Variants in LPGAT1 observed in about 807,000 individuals in gnomAD.
LPGAT1 encodes acyl-CoA:lysophosphatidylglycerol acyltransferase 1.
In LPGAT1, 11 loss-of-function variants were observed where a neutral mutation model predicts 47.5. The ratio of observed to expected loss-of-function variants is 0.23; its 90% CI spans 0.15 to 0.38. The LOEUF (loss-of-function observed/expected upper bound fraction) is 0.38, where lower values mean the gene tolerates loss of function less well. Ranked by LOEUF, LPGAT1 falls within the 10% of genes least tolerant of loss-of-function variation. LPGAT1 has a pLI of 1.00. For synonymous variants in LPGAT1, 138 were observed against 144.2 expected (o/e 0.96, Z 0.31); for missense variants, 293 against 439.0 (o/e 0.67, Z 2.97).
intron 4 of LPGAT1, 100 bp from the exon 5 acceptor site, chr1:211,783,602 C>CT: frequency 3.4e-6 from 4 of 1,189,834 alleles, no homozygotes; most frequent in Non-Finnish European, 4.7e-6. Flanking sequence ...AATCCAATCA[C>CT]AGAATAGAAT....
chr1:211,813,065 C>T (rs1660046944), intron 2 of LPGAT1, among the ~76,000 whole-genome samples: 1 of 152,148 alleles, frequency 6.6e-6, no homozygotes, highest in Admixed American at 6.5e-5. Context: ...AGAACTACCA[C>T]TGCAGAAAGT....
chr1:211,759,453 T>C (rs1318256240), intron 6 of LPGAT1, among the ~76,000 whole-genome samples: 1 of 152,216 alleles, frequency 6.6e-6, no homozygotes, highest in Admixed American at 6.5e-5. Context: ...GGTAATGTAG[T>C]TAACAGTGTT....
intron 6 of LPGAT1, 125 bp downstream of exon 6, chr1:211,778,793 C>T: frequency 3.0e-6 from 2 of 666,556 alleles, no homozygotes; most frequent in Non-Finnish European, 4.6e-6. Flanking sequence ...ATTAAAAATG[C>T]AGCATAAGAA....
intron 6 of LPGAT1, among the ~76,000 whole-genome samples, chr1:211,765,972 G>T (rs1657892874): frequency 6.6e-6 from 1 of 152,026 alleles, no homozygotes; most frequent in Non-Finnish European, 1.5e-5. Context: ...TCCATTGAGG[G>T]CCCAAGGAGA....
chr1:211,762,061 A>G (rs1657720485), intron 6 of LPGAT1, among the ~76,000 whole-genome samples: 2 of 152,348 alleles, frequency 1.3e-5, no homozygotes, highest in Admixed American at 1.3e-4. Context: ...TGCAGTATGT[A>G]ATTACTTTAT....
rs1252428027 is a variant in LPGAT1 at position 211,745,221 on chromosome 1, C to A, written c.*4678G>T. 6.6e-6 allele frequency: 1 copy of A among 152,512 alleles called. No individual in the cohort carries two copies. The highest frequency in any genetic ancestry group is 1.9e-4 in the East Asian group (1 of 5,198). The allele number at this position is 152,512 out of a possible 1,614,324, so 9.4% of individuals were successfully genotyped here. On this transcript the variant is annotated 3_prime_UTR_variant, in exon 8 of 8. Coordinates refer to ENST00000366997, the MANE Select transcript of LPGAT1 (RefSeq NM_014873.3). ...CATTCTTATCACACGTTACAACATG[C>A]AGATAACACAAAGAAAGGTCAACAA...
At chr1:211,822,714 G>A (rs542301278) in intron 2 of LPGAT1, among the ~76,000 whole-genome samples, 6 of 151,824 alleles carry the variant, frequency 4.0e-5, no homozygotes, top group South Asian at 4.2e-4. Context: ...AGAGGCGGAC[G>A]TTGCAGTGGG....
intron 1 of LPGAT1, chr1:211,829,895 G>T (rs1660667548): frequency 1.0e-6 from 1 of 984,918 alleles, no homozygotes; most frequent in African/African-American, 1.8e-5. Flanking sequence ...AAAAAATGGG[G>T]GGCCTAGAAA....
At chr1:211,761,919 T>C (rs1424379351) in intron 6 of LPGAT1, among the ~76,000 whole-genome samples, 1 of 152,204 alleles carries the variant, frequency 6.6e-6, no homozygotes, top group African/African-American at 2.4e-5. Context: ...CACCATCTTC[T>C]AAATCCTAAA....
intron 6 of LPGAT1, among the ~76,000 whole-genome samples, chr1:211,775,931 CAA>C (rs201006748): frequency 2.2e-4 from 17 of 77,248 alleles, no homozygotes; most frequent in Admixed American, 8.1e-4. Context: ...AATGCCATCT[CAA>C]AAAAAAAAAA....
At position 211,765,910 on chromosome 1, in the gene LPGAT1, T is replaced by G. The variant is rs1013347927; in HGVS notation, c.854+13008A>C. On this transcript the variant is annotated intron_variant, in intron 6 of 7. Coordinates refer to ENST00000366997, the MANE Select transcript of LPGAT1 (RefSeq NM_014873.3). ...AGAAAATAGCATCTGAATTGATGAA[T>G]TGAGTAAAGTGGACACTCCCTTCCC... 7.2e-5 allele frequency among the ~76,000 whole-genome samples: 11 copies of G among 152,104 alleles called. No individual in the cohort carries two copies. The East Asian group carries it at 1.2e-3, about 16-fold the overall frequency.
At chr1:211,808,511 T>C (rs1462382014) in intron 2 of LPGAT1, among the ~76,000 whole-genome samples, 1 of 152,176 alleles carries the variant, frequency 6.6e-6, no homozygotes, top group East Asian at 1.9e-4. Context: ...GAAATGAAAA[T>C]TAAAAACATG....
rs114135867 is a variant in LPGAT1 at position 211,829,239 on chromosome 1, T to A, written c.58A>T (p.Met20Leu). The A allele has an allele frequency of 9.5e-5, 154 of 1,614,202 alleles. 2 individuals are homozygous for A. In the African/African-American group the frequency reaches 1.8e-3, roughly 19 times the overall value. ...TTGACGACCATGAAGGCAAACCTCA[T>A]CAGTGCTTTCACCAAGAGCCAGCCC... ...WLGWLLVKAL[M>L]RFAFMVVNNL... Residue 20 changes from methionine (M) to leucine (L), a missense_variant, in exon 2 of 8, where the codon ATG becomes TTG. By Grantham distance (15) the Met-to-Leu change is conservative. Transcript: ENST00000366997.
intron 6 of LPGAT1, among the ~76,000 whole-genome samples, chr1:211,771,461 AT>A (rs200780860): frequency 2.9e-4 from 43 of 149,992 alleles, no homozygotes; most frequent in East Asian, 5.9e-4. Context: ...TAGTTTTTAG[AT>A]TTTTTTTTTA....
intron 2 of LPGAT1, among the ~76,000 whole-genome samples, chr1:211,793,948 T>C (rs1049457096): frequency 6.6e-6 from 1 of 152,200 alleles, no homozygotes; most frequent in Non-Finnish European, 1.5e-5. Context: ...AAAGATGTAT[T>C]ATCAACTAAC....
intron 6 of LPGAT1, among the ~76,000 whole-genome samples, chr1:211,756,156 A>G (rs1657439808): frequency 6.6e-6 from 1 of 152,138 alleles, no homozygotes; most frequent in African/African-American, 2.4e-5. Flanking sequence ...GAATTGCTTG[A>G]ACCCAGGAGG....
At chr1:211,784,592 G>A (rs896241150) in intron 4 of LPGAT1, among the ~76,000 whole-genome samples, 2 of 151,822 alleles carry the variant, frequency 1.3e-5, no homozygotes, top group African/African-American at 2.4e-5. Context: ...CCACACAAGG[G>A]AATTTGATGA....
intron 1 of LPGAT1, chr1:211,829,845 T>G (rs1660664107): frequency 1.0e-6 from 1 of 984,492 alleles, no homozygotes; most frequent in Non-Finnish European, 1.2e-6. Context: ...AATTCTCATT[T>G]GTAGCAATAG....
At position 211,748,230 on chromosome 1, in the gene LPGAT1, T is replaced by C. The variant is rs1013477103; in HGVS notation, c.*1669A>G. The C allele has an allele frequency of 2.6e-5, 4 of 152,650 alleles. No individual in the cohort carries two copies. Among genetic ancestry groups the C allele is most frequent in the South Asian group, 2.1e-4 (1 of 4,834 alleles). 9.5% of individuals were successfully genotyped at this position (152,650 alleles called of 1,614,324 possible). ...TACCACTGACTTACTAGGATCTTAA[T>C]AGTCTTACAATCCCAAACAAAAACC... On this transcript the variant is annotated 3_prime_UTR_variant, in exon 8 of 8. Transcript: ENST00000366997.
Sources: gnomAD v4.1 joint callset for allele counts (sites outside exome capture counted in the v4.1 genomes callset) on GRCh38, gnomAD v4.1.1 for gene constraint, MANE v1.5 for transcripts, NCBI Gene and HGNC (gene_info 2026-07-23, HGNC 2026-07-21) for gene names.